TDRP: variants seen among roughly 807,000 people sequenced by gnomAD.
TDRP encodes the protein testis development-related protein.
In TDRP, 12 loss-of-function variants were observed where a neutral mutation model predicts 10.5. The ratio of observed to expected loss-of-function variants is 1.15; its 90% CI spans 0.73 to 1.86. The LOEUF is 1.86. TDRP is among the 40% of genes most tolerant of loss of function. The probability of loss-of-function intolerance (pLI) is 0.00; values close to 1 mark genes in which losing one functional copy is unlikely to be tolerated. For missense variants in TDRP, 353 were observed against 229.2 expected (o/e 1.54, Z -3.49); for synonymous variants, 139 against 95.4 (o/e 1.46, Z -2.67).
At chr8:521,310 G>A (rs999692570) in intron 1 of TDRP, among the ~76,000 whole-genome samples, 2 of 151,288 alleles carry the variant, frequency 1.3e-5, no homozygotes, top group South Asian at 2.1e-4. Context: ...CCAGCTACTT[G>A]GGAGGCTGAG....
intron 1 of TDRP, among the ~76,000 whole-genome samples, chr8:542,123 C>T (rs1258335535): frequency 6.6e-6 from 1 of 152,156 alleles, no homozygotes; most frequent in African/African-American, 2.4e-5. Context: ...AATGCAGGAA[C>T]CTTAAATGCA....
chr8:501,951 G>C (rs1801315203), intron 1 of TDRP, among the ~76,000 whole-genome samples: 1 of 152,178 alleles, frequency 6.6e-6, no homozygotes, highest in Admixed American at 6.5e-5. Context: ...TCTGGACAAA[G>C]GCTTAGCGCT....
chr8:507,745 G>T (rs558262424), intron 1 of TDRP, among the ~76,000 whole-genome samples: 1 of 152,276 alleles, frequency 6.6e-6, no homozygotes, highest in Non-Finnish European at 1.5e-5. Flanking sequence ...ATGGGAAAGG[G>T]GGAACAGTCA....
intron 1 of TDRP, among the ~76,000 whole-genome samples, chr8:495,923 C>A (rs758678749): frequency 1.3e-5 from 2 of 152,180 alleles, no homozygotes; most frequent in Non-Finnish European, 2.9e-5. Context: ...TCCCATAGGC[C>A]AGACTCTCAA....
chr8:497,863 C>G (rs1027679721), intron 1 of TDRP, among the ~76,000 whole-genome samples: 17 of 152,184 alleles, frequency 1.1e-4, no homozygotes, highest in Non-Finnish European at 2.2e-4. Context: ...CCCGCAGTGG[C>G]TAAATGGGGC....
chr8:497,467 G>T (rs1189630036), intron 1 of TDRP, among the ~76,000 whole-genome samples: 1 of 152,178 alleles, frequency 6.6e-6, no homozygotes, highest in East Asian at 1.9e-4. Flanking sequence ...GGTTCAACAT[G>T]TGGCCTGGGT....
At chr8:510,533 T>C (rs1801587271) in intron 1 of TDRP, among the ~76,000 whole-genome samples, 1 of 152,170 alleles carries the variant, frequency 6.6e-6, no homozygotes, top group Non-Finnish European at 1.5e-5. Flanking sequence ...GATTAACAGC[T>C]GACTCTCAGT....
Position 525,564 on chromosome 8 carries a change from T to A in TDRP, c.108+19086A>T, listed in dbSNP as rs375244731. Among the ~76,000 whole-genome samples the A allele has an allele frequency of 3.3e-5, 5 of 152,314 alleles. No individual in the cohort carries two copies. The East Asian group carries it at 5.8e-4, about 18-fold the overall frequency. On this transcript the variant is annotated intron_variant, in intron 1 of 2. Coordinates refer to ENST00000324079, the MANE Select transcript of TDRP (RefSeq NM_001384899.1). ...AGAAATCAGGGGGATGAAGTGGAAC[T>A]GTAGAGTTTTTACTAGTTTTTGCTC...
At chr8:499,240 G>C (rs1584853418) in intron 1 of TDRP, among the ~76,000 whole-genome samples, 1 of 152,138 alleles carries the variant, frequency 6.6e-6, no homozygotes, top group African/African-American at 2.4e-5. Context: ...GTTTTGTTTT[G>C]TTTTGTTTTT....
At chr8:543,570 A>C (rs1563135619) in intron 1 of TDRP, among the ~76,000 whole-genome samples, 1 of 151,826 alleles carries the variant, frequency 6.6e-6, no homozygotes, top group Non-Finnish European at 1.5e-5. Context: ...AAAAAAAGGC[A>C]CGTAAGCACT....
At chr8:532,263 C>T (rs1445106071) in intron 1 of TDRP, among the ~76,000 whole-genome samples, 1 of 152,200 alleles carries the variant, frequency 6.6e-6, no homozygotes, top group Non-Finnish European at 1.5e-5. Context: ...AGTCATGAGC[C>T]TTGCAGGGTG....
At chr8:503,050 G>C (rs368079168) in intron 1 of TDRP, among the ~76,000 whole-genome samples, 197 of 151,820 alleles carry the variant, frequency 1.3e-3, no homozygotes, top group African/African-American at 4.5e-3. Context: ...GGAATCCAGA[G>C]CCACACATCA....
chr8:500,097 C>T (rs534407379), intron 1 of TDRP, among the ~76,000 whole-genome samples: 39 of 152,182 alleles, frequency 2.6e-4, no homozygotes, highest in Admixed American at 7.2e-4. Context: ...TGAGATGTGC[C>T]GTAAAACGCT....
intron 1 of TDRP, among the ~76,000 whole-genome samples, chr8:542,917 C>G (rs1327712736): frequency 6.6e-6 from 1 of 150,958 alleles, no homozygotes; most frequent in Non-Finnish European, 1.5e-5. Context: ...AGAAAAGGAG[C>G]TTTAACGAAG....
intron 1 of TDRP, among the ~76,000 whole-genome samples, chr8:536,439 G>T (rs1802350012): frequency 6.6e-6 from 1 of 152,168 alleles, no homozygotes; most frequent in East Asian, 1.9e-4. Flanking sequence ...ATTCCATACT[G>T]GAAAACTTTT....
In TDRP at chr8:491,326, G is replaced by C. The variant is rs549835774; in HGVS notation, c.*1073C>G. The C allele has an allele frequency of 1.2e-5, 4 of 330,926 alleles. No individual in the cohort carries two copies. The highest frequency in any genetic ancestry group is 6.3e-5 in the African/African-American group (3 of 47,318). 20.5% of individuals were successfully genotyped at this position (330,926 alleles called of 1,614,324 possible). A position where few individuals can be genotyped will look rare whatever the true frequency, so the allele number is the denominator to read the frequency against. ...TTTCTTTCAAACCACTTTTATCTAA[G>C]AGATATCTGCAGGACTTGCTGATAA... On this transcript the variant is annotated 3_prime_UTR_variant, in exon 3 of 3. Coordinates refer to ENST00000324079, the MANE Select transcript of TDRP (RefSeq NM_001384899.1).
chr8:495,404 C>G (rs1391824585), intron 1 of TDRP, among the ~76,000 whole-genome samples: 1 of 152,204 alleles, frequency 6.6e-6, no homozygotes, highest in Admixed American at 6.5e-5. Context: ...GCCCTAACTT[C>G]TACAAGTGTA....
chr8:523,657 G>A (rs1196348553), intron 1 of TDRP, among the ~76,000 whole-genome samples: 1 of 152,180 alleles, frequency 6.6e-6, no homozygotes, highest in Non-Finnish European at 1.5e-5. Context: ...CAATAGCCTG[G>A]CAATACTCTC....
intron 1 of TDRP, among the ~76,000 whole-genome samples, chr8:526,595 T>C (rs894130635): frequency 5.9e-5 from 9 of 152,184 alleles, no homozygotes; most frequent in Non-Finnish European, 1.3e-4. Flanking sequence ...TGTTGTAGAA[T>C]TTGGTTTGCC....
Sources: gnomAD v4.1 joint callset for allele counts (sites outside exome capture counted in the v4.1 genomes callset) on GRCh38, gnomAD v4.1.1 for gene constraint, MANE v1.5 for transcripts, NCBI Gene and HGNC (gene_info 2026-07-23, HGNC 2026-07-21) for gene names.